The following GIGYF2 variants were observed in gnomAD, a reference collection of about 807,000 sequenced individuals.
The protein encoded by GIGYF2 is GRB10-interacting GYF protein 2.
Under a neutral mutation model 208.1 loss-of-function variants are expected in GIGYF2, and 25 were observed. The ratio of observed to expected loss-of-function variants is 0.12; its 90% CI spans 0.09 to 0.17. The LOEUF is 0.17. GIGYF2 is among the 10% of genes least tolerant of loss of function. GIGYF2 has a pLI of 1.00. For synonymous variants in GIGYF2, 534 were observed against 543.8 expected (o/e 0.98, Z 0.25); for missense variants, 1,302 against 1,579.4 (o/e 0.82, Z 2.98).
At chr2:232,716,432 G>A (rs928182813) in intron 2 of GIGYF2, among the ~76,000 whole-genome samples, 26 of 137,684 alleles carry the variant, frequency 1.9e-4, no homozygotes, top group African/African-American at 6.7e-4. Flanking sequence ...TGGCTGGAGT[G>A]TAGTGGCACG....
chr2:232,716,003 G>T (rs1696659431), intron 2 of GIGYF2, among the ~76,000 whole-genome samples: 1 of 152,142 alleles, frequency 6.6e-6, no homozygotes, highest in African/African-American at 2.4e-5. Context: ...AGTTATGAGA[G>T]TAGAGGACAA....
chr2:232,716,287 G>A (rs1375220016), intron 2 of GIGYF2, among the ~76,000 whole-genome samples: 1 of 151,168 alleles, frequency 6.6e-6, no homozygotes, highest in African/African-American at 2.4e-5. Context: ...TAGTAAATGA[G>A]TCTTGCTTCA....
intron 6 of GIGYF2, 75 bp from the exon 7 acceptor site, chr2:232,760,405 T>TA (rs1208135569): frequency 8.7e-6 from 8 of 920,506 alleles, no homozygotes; most frequent in Non-Finnish European, 1.2e-5. Flanking sequence ...GAACTTTAGA[T>TA]ATTAATTTAT....
At chr2:232,785,600 TG>T (rs1477425289) in intron 8 of GIGYF2, among the ~76,000 whole-genome samples, 1 of 152,194 alleles carries the variant, frequency 6.6e-6, no homozygotes, top group Non-Finnish European at 1.5e-5. Context: ...AGCTTATAAT[TG>T]GGGGTAGAGG....
intron 8 of GIGYF2, among the ~76,000 whole-genome samples, chr2:232,776,120 A>G (rs1699501880): frequency 6.6e-6 from 1 of 152,136 alleles, no homozygotes; most frequent in Non-Finnish European, 1.5e-5. Flanking sequence ...AATTCCTTCC[A>G]AAAGAAAAAG....
At chr2:232,827,214 T>TTTTTTTTTTTTTTTTTTTTTTTGAGACGG in intron 21 of GIGYF2, among the ~76,000 whole-genome samples, 5 of 152,252 alleles carry the variant, frequency 3.3e-5, no homozygotes, top group African/African-American at 1.2e-4. Context: ...CATTGTTTTT[T>TTTTTTTTTTTTTTTTTTTTTTTGAGACGG]AAGACATAAT....
chr2:232,763,231 C>G (rs919702320), intron 8 of GIGYF2, among the ~76,000 whole-genome samples: 3 of 151,138 alleles, frequency 2.0e-5, no homozygotes, highest in African/African-American at 7.4e-5. Flanking sequence ...ACAGGATTTG[C>G]AATCAGAAGA....
chr2:232,714,966 G>A (rs967027588), intron 2 of GIGYF2, among the ~76,000 whole-genome samples: 4 of 152,062 alleles, frequency 2.6e-5, no homozygotes, highest in Admixed American at 2.6e-4. Context: ...GCCTCAGTGT[G>A]TGTGGTTTCC....
Position 232,794,795 on chromosome 2 carries a change from A to G in GIGYF2, c.1330A>G (p.Thr444Ala). 6.2e-7 allele frequency: 1 copy of G among 1,613,938 alleles called. No homozygotes were observed. Among genetic ancestry groups the G allele is most frequent in the Non-Finnish European group, 8.5e-7 (1 of 1,179,850 alleles). ...GCCCCTGTCGCAGATTCCTTCAGATACAGCCTCTCCTCTTCTCATACTTCC... is the reference window on the plus strand; with the variant it reads ...GCCCCTGTCGCAGATTCCTTCAGATGCAGCCTCTCCTCTTCTCATACTTCC... ...QQPLSQIPSD[T>A]ASPLLILPPP... The change falls in exon 13 of 29, where the codon ACA becomes GCA. Residue 444 changes from threonine (T) to alanine (A), a missense_variant. Around this residue, in one of 8 missense-constraint regions of GIGYF2, gnomAD observed 235 missense variants for 218.8 expected, o/e 1.07. Transcript: ENST00000373563.
At chr2:232,853,175 AAATT>A (rs1468665424) in intron 28 of GIGYF2, among the ~76,000 whole-genome samples, 4 of 152,224 alleles carry the variant, frequency 2.6e-5, no homozygotes, top group Non-Finnish European at 4.4e-5. Flanking sequence ...TACTGAGAAA[AAATT>A]AATAACTATC....
chr2:232,751,832 T>G (rs936880282), intron 5 of GIGYF2, among the ~76,000 whole-genome samples: 1 of 152,226 alleles, frequency 6.6e-6, no homozygotes, highest in Non-Finnish European at 1.5e-5. Context: ...AATCAAACAT[T>G]ATTTTGCAAA....
At chr2:232,732,596 A>G (rs1188163069) in intron 2 of GIGYF2, among the ~76,000 whole-genome samples, 2 of 152,062 alleles carry the variant, frequency 1.3e-5, no homozygotes, top group African/African-American at 4.8e-5. Flanking sequence ...CAGAGAAATT[A>G]AAATGTTAAA....
intron 21 of GIGYF2, among the ~76,000 whole-genome samples, chr2:232,830,921 TC>T (rs1462070004): frequency 6.6e-6 from 1 of 152,236 alleles, no homozygotes; most frequent in Non-Finnish European, 1.5e-5. Flanking sequence ...TTCTTAGACT[TC>T]CTTGTTTTTG....
At chr2:232,836,263 CATAT>C (rs1156576756) in intron 22 of GIGYF2, among the ~76,000 whole-genome samples, 3 of 38,626 alleles carry the variant, frequency 7.8e-5, no homozygotes, top group South Asian at 1.2e-3. Flanking sequence ...CCCATCTCTA[CATAT>C]ATATATATAT....
chr2:232,727,157 G>T (rs761407089), intron 2 of GIGYF2, among the ~76,000 whole-genome samples: 41 of 152,052 alleles, frequency 2.7e-4, no homozygotes, highest in Non-Finnish European at 5.1e-4. Context: ...GTAGAGACAG[G>T]GTTTCACTAT....
chr2:232,755,604 TAAC>T (rs1174291226), intron 5 of GIGYF2, among the ~76,000 whole-genome samples: 9 of 152,254 alleles, frequency 5.9e-5, no homozygotes, highest in African/African-American at 2.2e-4. Context: ...TGCAGGTTAA[TAAC>T]TGAGTGATTG....
intron 9 of GIGYF2, 98 bp downstream of exon 9, chr2:232,787,427 TGTG>T: frequency 2.8e-6 from 3 of 1,069,270 alleles, no homozygotes; most frequent in Non-Finnish European, 2.8e-6. Context: ...GCTTAAAAAA[TGTG>T]GGGGTGGATT....
intron 20 of GIGYF2, among the ~76,000 whole-genome samples, chr2:232,818,320 T>C (rs1700975517): frequency 6.6e-6 from 1 of 152,230 alleles, no homozygotes; most frequent in African/African-American, 2.4e-5. Context: ...TTACAACATT[T>C]TCCACAATAT....
chr2:232,762,640 AAC>A (rs775522251), intron 8 of GIGYF2, among the ~76,000 whole-genome samples: 1 of 152,218 alleles, frequency 6.6e-6, no homozygotes, highest in Non-Finnish European at 1.5e-5. Flanking sequence ...AAGTAATTTT[AAC>A]AGTCAGCTTT....
Sources: allele counts gnomAD v4.1 joint callset (sites outside exome capture counted in the v4.1 genomes callset), GRCh38; gene constraint gnomAD v4.1.1; regional missense constraint gnomAD v4.1.1; transcripts MANE v1.5; gene names NCBI Gene and HGNC (gene_info 2026-07-23, HGNC 2026-07-21).